Variants in DENND2B observed in about 807,000 individuals in gnomAD.
The protein encoded by DENND2B is DENN domain-containing protein 2B.
In DENND2B, 32 loss-of-function variants were observed where a neutral mutation model predicts 116.0. That is an observed-to-expected ratio of 0.28 (90% CI 0.21 to 0.37). DENND2B has a LOEUF of 0.37. Among genes scored for constraint, DENND2B ranks in the 10% least tolerant of loss-of-function variants. The pLI is 1.00. For synonymous variants in DENND2B, 588 were observed against 583.9 expected, an observed-to-expected ratio of 1.01 and a Z score of -0.10; for missense variants, 1,276 against 1,477.7, an observed-to-expected ratio of 0.86 and a Z score of 2.24.
intron 2 of DENND2B, among the ~76,000 whole-genome samples, chr11:8,867,182 G>A (rs1222828269): frequency 6.6e-6 from 1 of 152,170 alleles, no homozygotes; most frequent in Non-Finnish European, 1.5e-5. Context: ...GAAATAGCAA[G>A]AAATCCAGAT....
At chr11:8,881,551 T>G (rs1448974926) in intron 1 of DENND2B, among the ~76,000 whole-genome samples, 1 of 152,210 alleles carries the variant, frequency 6.6e-6, no homozygotes, top group African/African-American at 2.4e-5. Flanking sequence ...TGTTTGTTTG[T>G]TTTTGAGACA....
At chr11:8,839,087 G>C (rs1413596978) in intron 4 of DENND2B, among the ~76,000 whole-genome samples, 1 of 152,204 alleles carries the variant, frequency 6.6e-6, no homozygotes, top group Non-Finnish European at 1.5e-5. Flanking sequence ...AAAGAGAATG[G>C]ATACTAATTT....
chr11:8,743,983 A>G (rs776365462), intron 2 of DENND2B, among the ~76,000 whole-genome samples: 19 of 151,908 alleles, frequency 1.3e-4, no homozygotes, highest in Non-Finnish European at 2.4e-4. Flanking sequence ...TCCTGAGTGC[A>G]AGCAATCCTC....
intron 3 of DENND2B, among the ~76,000 whole-genome samples, chr11:8,851,070 C>T (rs1566050468): frequency 6.6e-6 from 1 of 152,084 alleles, no homozygotes. Context: ...CACAAAATTT[C>T]AGAGAGATAG....
chr11:8,872,798 T>A (rs143578027), upstream of DENND2B, among the ~76,000 whole-genome samples: 1 of 152,182 alleles, frequency 6.6e-6, no homozygotes, highest in Admixed American at 6.5e-5. Flanking sequence ...TTGAGGCACA[T>A]TGAAAACACA....
chr11:8,814,471 G>A (rs1261822546), upstream of DENND2B, among the ~76,000 whole-genome samples: 4 of 151,946 alleles, frequency 2.6e-5, no homozygotes, highest in African/African-American at 9.7e-5. Context: ...TAGTTCCCCT[G>A]AGGTGTCATA....
Position 8,730,533 on chromosome 11 carries a change from A to T in DENND2B, c.757T>A (p.Phe253Ile). The T allele has an allele frequency of 6.2e-7, 1 of 1,613,158 alleles. No homozygotes were observed. Among genetic ancestry groups the T allele is most frequent in the Middle Eastern group, 1.6e-4 (1 of 6,062 alleles). Residue 253 changes from phenylalanine (F) to isoleucine (I), a missense_variant, in exon 3 of 20, where the codon TTC (phenylalanine) becomes ATC (isoleucine). Phe to Ile is a conservative substitution (Grantham distance 21, BLOSUM62 0). Around this residue, in one of 2 missense-constraint regions of DENND2B, gnomAD observed 856 missense variants for 846.6 expected, o/e 1.01. Coordinates refer to ENST00000313726, the MANE Select transcript of DENND2B (RefSeq NM_213618.2). This position sits in a 1 kb window ranked among gnomAD's most constrained non-coding sequence, Gnocchi z 4.1. ...EGEALPVRDS[F>I]YRLEKRLGRS... Reference sequence around the variant, plus strand: ...CCCAGCCGTTTCTCCAGCCGGTAGAAAGAGTCCCGGACAGGGAGCGCCTCT... The same window carrying T: ...CCCAGCCGTTTCTCCAGCCGGTAGATAGAGTCCCGGACAGGGAGCGCCTCT...
intron 1 of DENND2B, among the ~76,000 whole-genome samples, chr11:8,764,469 T>A (rs531764088): frequency 1.3e-5 from 2 of 152,224 alleles, no homozygotes; most frequent in Non-Finnish European, 2.9e-5. Flanking sequence ...TATCTCCATT[T>A]TATGGATGAA....
upstream of DENND2B, among the ~76,000 whole-genome samples, chr11:8,875,025 T>A (rs1261039829): frequency 6.6e-6 from 1 of 152,164 alleles, no homozygotes; most frequent in Non-Finnish European, 1.5e-5. Context: ...TTAGCCTAGA[T>A]GACTTTAAGT....
chr11:8,739,011 G>A (rs1428292417), intron 2 of DENND2B, among the ~76,000 whole-genome samples: 1 of 152,208 alleles, frequency 6.6e-6, no homozygotes, highest in African/African-American at 2.4e-5. Flanking sequence ...ACTAGACTAT[G>A]AGTGAGCCCA....
intron 4 of DENND2B, among the ~76,000 whole-genome samples, chr11:8,816,116 A>T (rs934195835): frequency 6.6e-6 from 1 of 152,164 alleles, no homozygotes; most frequent in South Asian, 2.1e-4. Context: ...TGTTCTTTCA[A>T]TATTATTGGT....
intron 14 of DENND2B, chr11:8,700,127 A>G (rs1053555669): frequency 2.0e-5 from 8 of 396,372 alleles, no homozygotes; most frequent in Non-Finnish European, 3.0e-5. Flanking sequence ...ACCTTCAGGA[A>G]AAGAAACCTC....
At chr11:8,818,215 A>T (rs1330305402) in intron 4 of DENND2B, among the ~76,000 whole-genome samples, 1 of 145,496 alleles carries the variant, frequency 6.9e-6, no homozygotes, top group East Asian at 2.0e-4. Flanking sequence ...GTGAGCTGAG[A>T]TCACACCACC....
chr11:8,877,267 C>G (rs1271740312), intron 2 of DENND2B: 1 of 151,982 alleles, frequency 6.6e-6, no homozygotes, highest in African/African-American at 2.4e-5. Context: ...CCATGCCCAG[C>G]TAATTTTTTT....
intron 4 of DENND2B, among the ~76,000 whole-genome samples, chr11:8,723,459 A>G (rs1436247357): frequency 1.3e-5 from 2 of 152,324 alleles, no homozygotes; most frequent in East Asian, 3.9e-4. Flanking sequence ...GCTGTTCCCC[A>G]GGCCTTCTTA....
chr11:8,779,162 A>G (rs1418376345), intron 1 of DENND2B, among the ~76,000 whole-genome samples: 1 of 152,218 alleles, frequency 6.6e-6, no homozygotes. Flanking sequence ...GGAGTGGTGG[A>G]GGGGACAGAG....
At chr11:8,745,299 C>T (rs1015896803) in intron 2 of DENND2B, among the ~76,000 whole-genome samples, 1 of 152,172 alleles carries the variant, frequency 6.6e-6, no homozygotes, top group Admixed American at 6.5e-5. Flanking sequence ...AAGCGATCTG[C>T]CTGCCTCAGC....
intron 13 of DENND2B, among the ~76,000 whole-genome samples, chr11:8,704,453 C>T (rs765746918): frequency 1.3e-5 from 2 of 152,208 alleles, no homozygotes; most frequent in Non-Finnish European, 2.9e-5. Context: ...CATGATGCTG[C>T]GCTATAAGGG....
chr11:8,740,318 A>T (rs2049977398), intron 2 of DENND2B, among the ~76,000 whole-genome samples: 1 of 152,212 alleles, frequency 6.6e-6, no homozygotes, highest in Non-Finnish European at 1.5e-5. Flanking sequence ...GTCTCACAGG[A>T]ACACGCCCCA....
Sources: allele counts gnomAD v4.1 joint callset (sites outside exome capture counted in the v4.1 genomes callset), GRCh38; gene constraint gnomAD v4.1.1; regional missense constraint gnomAD v4.1.1; non-coding constraint Gnocchi (gnomAD v3.1); transcripts MANE v1.5; gene names NCBI Gene and HGNC (gene_info 2026-07-23, HGNC 2026-07-21).